Variants in MAP1B observed in about 807,000 individuals in gnomAD.
MAP1B encodes the protein microtubule associated protein 1B.
In MAP1B, 12 loss-of-function variants were observed where a neutral mutation model predicts 176.1. The observed-to-expected ratio is 0.07, with a 90% CI of 0.04 to 0.11. The LOEUF (loss-of-function observed/expected upper bound fraction) is 0.11, where lower values mean the gene tolerates loss of function less well. Among genes scored for constraint, MAP1B ranks in the 10% least tolerant of loss-of-function variants. The pLI is 1.00. For synonymous variants in MAP1B, 1,044 were observed against 1,135.0 expected (o/e 0.92, Z 1.61); for missense variants, 2,523 against 2,990.5 (o/e 0.84, Z 3.65).
chr5:72,164,062 A>C (rs1746381442), intron 2 of MAP1B, among the ~76,000 whole-genome samples: 1 of 150,940 alleles, frequency 6.6e-6, no homozygotes, highest in African/African-American at 2.4e-5. Context: ...CATCCCAAGT[A>C]GCTAGGACAA....
rs770802403 is a variant in MAP1B at position 72,196,596 on chromosome 5, C to T, written c.3241C>T (p.Pro1081Ser). The T allele has an allele frequency of 1.6e-5, 26 of 1,613,816 alleles. No homozygotes were observed. The highest frequency in any genetic ancestry group is 1.9e-5 in the Non-Finnish European group (22 of 1,180,044). ...QLGAQSPGRE[P>S]ASSIHDETLP... ...AGGAGCCCAGTCTCCTGGCCGAGAA[C>T]CTGCATCTTCAATTCATGATGAGAC... Residue 1081 changes from proline (P) to serine (S), a missense_variant, in exon 5 of 7, where the codon CCT (proline) becomes TCT (serine). Transcript: ENST00000296755. The surrounding 1 kb of genome is among the most constrained non-coding windows in gnomAD (Gnocchi z 5.3).
chr5:72,117,426 G>A (rs1279706449), intron 2 of MAP1B, among the ~76,000 whole-genome samples: 1 of 152,080 alleles, frequency 6.6e-6, no homozygotes, highest in African/African-American at 2.4e-5. Flanking sequence ...TTTTTTGTGT[G>A]TACAAGTCAT....
intron 2 of MAP1B, among the ~76,000 whole-genome samples, chr5:72,117,393 C>A (rs1478461939): frequency 6.6e-6 from 1 of 152,134 alleles, no homozygotes; most frequent in Admixed American, 6.5e-5. Context: ...GGCTTTTTTA[C>A]TATGATTGTT....
At chr5:72,180,006 G>A (rs1746732766) in intron 2 of MAP1B, 4 of 830,268 alleles carry the variant, frequency 4.8e-6, no homozygotes, top group Non-Finnish European at 5.8e-6. Flanking sequence ...TCCTGCCAGG[G>A]GCCACCTCGG....
intron 2 of MAP1B, among the ~76,000 whole-genome samples, chr5:72,129,077 C>G (rs552270317): frequency 6.6e-6 from 1 of 152,124 alleles, no homozygotes. Flanking sequence ...TTTTTAAAGG[C>G]TTAATCACTT....
rs78951986 is a variant in MAP1B, at chr5:72,120,017, A to G, written c.286+4218A>G. 4.6e-5 allele frequency among the ~76,000 whole-genome samples: 7 copies of G among 152,266 alleles called. No homozygotes were observed. In the East Asian group the frequency reaches 1.2e-3, roughly 25 times the overall value. Reference sequence around the variant, plus strand: ...TGCCATTTGCTTCTTTCCCAAATGTAACTTTAGGACTGTCTATGTATAGTA... The same window carrying G: ...TGCCATTTGCTTCTTTCCCAAATGTGACTTTAGGACTGTCTATGTATAGTA... On this transcript the variant is annotated intron_variant, in intron 2 of 6. Transcript: ENST00000296755.
In MAP1B at chr5:72,193,094, A is replaced by G. The variant is rs183471658; in HGVS notation, c.511-772A>G. ...GGAACGAACTTGGCCAAACCACTTT[A>G]ATGTCATGGCTTTAATAAAAAAGTA... On this transcript the variant is annotated intron_variant, in intron 4 of 6. Transcript: ENST00000296755. Among the ~76,000 whole-genome samples the G allele has an allele frequency of 2.8e-3, 422 of 152,336 alleles. 2 individuals are homozygous for G. The highest frequency in any genetic ancestry group is 9.7e-3 in the African/African-American group (405 of 41,582).
chr5:72,141,353 G>A (rs1368800014), intron 2 of MAP1B, among the ~76,000 whole-genome samples: 4 of 152,218 alleles, frequency 2.6e-5, no homozygotes, highest in African/African-American at 7.2e-5. Flanking sequence ...GTAGCTACAA[G>A]TCTTTAATTT....
chr5:72,108,876 C>T (rs959700371), intron 1 of MAP1B, among the ~76,000 whole-genome samples: 24 of 152,328 alleles, frequency 1.6e-4, no homozygotes, highest in Admixed American at 1.0e-3. Flanking sequence ...CCCCTCGCTC[C>T]TGACAGAGGT....
Position 72,197,981 on chromosome 5 carries a change from G to C in MAP1B, c.4626G>C (p.Thr1542=), listed in dbSNP as rs141224742. 2 of 1,614,176 alleles carry C rather than the reference G, an allele frequency of 1.2e-6. No individual in the cohort carries two copies. Among genetic ancestry groups the C allele is most frequent in the Non-Finnish European group, 1.7e-6 (2 of 1,180,038 alleles). Residue 1542 remains threonine, a synonymous_variant, in exon 5 of 7, where the codon ACG becomes ACC. Coordinates refer to ENST00000296755, the MANE Select transcript of MAP1B (RefSeq NM_005909.5). ...TTGATGAGGGCGTAGCAGAAGACACGTACTCTCATATGGAGGGTGTGGCCT... is the reference window on the plus strand; with the variant it reads ...TTGATGAGGGCGTAGCAGAAGACACCTACTCTCATATGGAGGGTGTGGCCT... ...TPVDEGVAED[T]YSHMEGVASV... is the part of the protein sequence containing the mutation.
At chr5:72,181,705 G>A (rs1195784228) in intron 2 of MAP1B, among the ~76,000 whole-genome samples, 1 of 147,736 alleles carries the variant, frequency 6.8e-6, no homozygotes, top group African/African-American at 2.5e-5. Context: ...CCACAGATGT[G>A]TGCCACCACA....
intron 2 of MAP1B, among the ~76,000 whole-genome samples, chr5:72,151,325 C>T (rs940969711): frequency 6.6e-6 from 1 of 152,100 alleles, no homozygotes; most frequent in African/African-American, 2.4e-5. Flanking sequence ...GACCCAGACC[C>T]CTCCCACTAG....
rs140508895 is a variant in MAP1B at position 72,196,412 on chromosome 5, G to C, written c.3057G>C (p.Glu1019Asp). The change falls in exon 5 of 7, where the codon GAG (glutamate) becomes GAC (aspartate). Residue 1019 changes from glutamate to aspartate, a missense_variant. Glu to Asp is a conservative substitution (Grantham distance 45, BLOSUM62 2). Coordinates refer to ENST00000296755, the MANE Select transcript of MAP1B (RefSeq NM_005909.5). This position sits in a 1 kb window ranked among gnomAD's most constrained non-coding sequence, Gnocchi z 5.3. Reference protein sequence around the residue: ...EKGEAEQSEEEADEEDKAEDA... With the variant: ...EKGEAEQSEEDADEEDKAEDA... Reference sequence around the variant, plus strand: ...GAGAGGCTGAACAATCTGAAGAGGAGGCTGATGAGGAGGACAAAGCTGAAG... The same window carrying C: ...GAGAGGCTGAACAATCTGAAGAGGACGCTGATGAGGAGGACAAAGCTGAAG... 3.7e-6 allele frequency: 6 copies of C among 1,613,950 alleles called. No homozygotes were observed. In the African/African-American group the frequency reaches 8.0e-5, roughly 22 times the overall value.
chr5:72,116,899 A>C (rs1745446395), intron 2 of MAP1B, among the ~76,000 whole-genome samples: 1 of 152,146 alleles, frequency 6.6e-6, no homozygotes. Flanking sequence ...ATTTGAAATC[A>C]CTTTTATAGA....
chr5:72,171,430 A>G (rs957686038), intron 2 of MAP1B, among the ~76,000 whole-genome samples: 4 of 152,020 alleles, frequency 2.6e-5, no homozygotes, highest in Non-Finnish European at 4.4e-5. Context: ...TCTACAAAAA[A>G]CAGAAGAAAT....
intron 2 of MAP1B, among the ~76,000 whole-genome samples, chr5:72,163,564 C>T (rs1334213517): frequency 6.6e-6 from 1 of 152,038 alleles, no homozygotes; most frequent in African/African-American, 2.4e-5. Context: ...ACTTTTTTTG[C>T]CACTTGAGAT....
intron 6 of MAP1B, 97 bp downstream of exon 6, chr5:72,203,898 C>G (rs760548580): frequency 5.4e-5 from 60 of 1,108,624 alleles, no homozygotes; most frequent in Non-Finnish European, 7.4e-5. Flanking sequence ...TGTGGCTGAT[C>G]GTGGATCCAC....
intron 2 of MAP1B, among the ~76,000 whole-genome samples, chr5:72,130,144 T>C (rs1745702425): frequency 6.7e-6 from 1 of 149,448 alleles, no homozygotes; most frequent in African/African-American, 2.5e-5. Flanking sequence ...AAAAAGAAAT[T>C]TTAAAAATCC....
At chr5:72,139,227 A>G (rs906717353) in intron 2 of MAP1B, among the ~76,000 whole-genome samples, 6 of 152,160 alleles carry the variant, frequency 3.9e-5, no homozygotes, top group Admixed American at 3.9e-4. Flanking sequence ...GTCATAAGAG[A>G]AAAAAACTTA....
Sources: gnomAD v4.1 joint callset for allele counts (sites outside exome capture counted in the v4.1 genomes callset) on GRCh38, gnomAD v4.1.1 for gene constraint, Gnocchi (gnomAD v3.1) non-coding constraint, MANE v1.5 for transcripts, NCBI Gene and HGNC (gene_info 2026-07-23, HGNC 2026-07-21) for gene names.